THSD4: variants seen among roughly 807,000 people sequenced by gnomAD.
The protein encoded by THSD4 is thrombospondin type 1 domain containing 4, also known as thrombospondin type-1 domain-containing protein 4.
Under a neutral mutation model 119.0 loss-of-function variants are expected in THSD4, and 69 were observed. The ratio of observed to expected loss-of-function variants is 0.58; its 90% CI spans 0.48 to 0.71. The LOEUF (loss-of-function observed/expected upper bound fraction) is 0.71, where lower values mean the gene tolerates loss of function less well. THSD4 is among the 30% of genes least tolerant of loss of function. The pLI is 0.00. For missense variants in THSD4, 1,393 were observed against 1,391.1 expected (o/e 1.00, Z -0.02); for synonymous variants, 524 against 540.4 (o/e 0.97, Z 0.42).
At chr15:71,290,488 G>C (rs749435264) in intron 6 of THSD4, among the ~76,000 whole-genome samples, 2 of 152,024 alleles carry the variant, frequency 1.3e-5, no homozygotes, top group Non-Finnish European at 2.9e-5. Flanking sequence ...TCTATCAACG[G>C]ATTGCTTGCA....
chr15:71,587,609 T>C (rs2049698270), intron 7 of THSD4, among the ~76,000 whole-genome samples: 2 of 115,554 alleles, frequency 1.7e-5, no homozygotes, highest in Admixed American at 9.7e-5. Flanking sequence ...AATATCACAC[T>C]CTGGGGACTG....
At chr15:71,372,884 A>G (rs2046075771) in intron 6 of THSD4, among the ~76,000 whole-genome samples, 2 of 152,246 alleles carry the variant, frequency 1.3e-5, no homozygotes, top group Admixed American at 1.3e-4. Context: ...GGTGGAGTCT[A>G]CAGAGGCAGG....
At chr15:71,258,512 G>C (rs552939525) in intron 6 of THSD4, among the ~76,000 whole-genome samples, 1 of 152,140 alleles carries the variant, frequency 6.6e-6, no homozygotes, top group Non-Finnish European at 1.5e-5. Context: ...AACATTATGC[G>C]AAGCTGGGTA....
chr15:71,412,657 T>C (rs1475082533), intron 7 of THSD4, among the ~76,000 whole-genome samples: 1 of 152,178 alleles, frequency 6.6e-6, no homozygotes, highest in Non-Finnish European at 1.5e-5. Context: ...ACCTGGAAGT[T>C]CCTATTATAG....
intron 7 of THSD4, among the ~76,000 whole-genome samples, chr15:71,549,145 A>C (rs1478721482): frequency 6.6e-6 from 1 of 152,256 alleles, no homozygotes; most frequent in Non-Finnish European, 1.5e-5. Flanking sequence ...CTTTTCAGAC[A>C]GTGCTCAGCG....
chr15:71,323,955 C>A (rs1382614710), intron 6 of THSD4, among the ~76,000 whole-genome samples: 1 of 152,096 alleles, frequency 6.6e-6, no homozygotes, highest in East Asian at 1.9e-4. Context: ...TTACCAAAGT[C>A]GTGTTGCACC....
At chr15:71,213,788 T>G (rs1165310272) in intron 3 of THSD4, among the ~76,000 whole-genome samples, 1 of 152,206 alleles carries the variant, frequency 6.6e-6, no homozygotes. Context: ...GCAGGGACAT[T>G]ATTATCATTA....
At chr15:71,709,746 G>A (rs2052470736) in intron 8 of THSD4, among the ~76,000 whole-genome samples, 1 of 151,992 alleles carries the variant, frequency 6.6e-6, no homozygotes, top group Non-Finnish European at 1.5e-5. Context: ...TCTAAGGCAT[G>A]GTTCCCAAAC....
chr15:71,482,300 T>TTTTTG (rs1473063716), intron 7 of THSD4, among the ~76,000 whole-genome samples: 1 of 151,108 alleles, frequency 6.6e-6, no homozygotes, highest in East Asian at 1.9e-4. Flanking sequence ...TGTAACTTTT[T>TTTTTG]TTTTTTTTGA....
At chr15:71,402,129 C>T (rs768801470) in intron 6 of THSD4, among the ~76,000 whole-genome samples, 1 of 151,644 alleles carries the variant, frequency 6.6e-6, no homozygotes, top group Non-Finnish European at 1.5e-5. Flanking sequence ...GGAGGGATAG[C>T]CTTAGGAGAT....
intron 13 of THSD4, among the ~76,000 whole-genome samples, chr15:71,747,653 A>T (rs1290945501): frequency 6.6e-6 from 1 of 152,244 alleles, no homozygotes; most frequent in Non-Finnish European, 1.5e-5. Flanking sequence ...AGATGACGAC[A>T]TACAGGCTAA....
At chr15:71,695,506 G>GTGTGTGTGCA (rs2052147286) in intron 8 of THSD4, among the ~76,000 whole-genome samples, 1 of 148,536 alleles carries the variant, frequency 6.7e-6, no homozygotes, top group Admixed American at 6.7e-5. Context: ...GTGTGCATGT[G>GTGTGTGTGCA]TGTGTGTGTG....
intron 5 of THSD4, among the ~76,000 whole-genome samples, chr15:71,254,746 G>C (rs2044295173): frequency 6.6e-6 from 1 of 152,140 alleles, no homozygotes; most frequent in Non-Finnish European, 1.5e-5. Context: ...GGTGTTGCTG[G>C]AAGCTTACAT....
chr15:71,729,940 A>C (rs542331166), intron 9 of THSD4: 23 of 152,286 alleles, frequency 1.5e-4, no homozygotes, highest in African/African-American at 5.3e-4. Context: ...ACGTTTCTGC[A>C]ACGCCGATGG....
At position 71,190,856 on chromosome 15, in the gene THSD4, T is replaced by C. The variant is rs150700106; in HGVS notation, c.100-24179T>C. Among the ~76,000 whole-genome samples the C allele has an allele frequency of 2.0e-5, 3 of 152,216 alleles. No homozygotes were observed. The East Asian group carries it at 5.8e-4, about 29-fold the overall frequency. ...AAGGTCCCATCGAGAGGAAACGTTT[T>C]CACACAGAGACTCCCCAACTCTCAG... On this transcript the variant is annotated intron_variant, in intron 3 of 17. Coordinates refer to ENST00000261862, the MANE Select transcript of THSD4 (RefSeq NM_024817.3).
At chr15:71,153,538 C>A (rs931043392) in intron 2 of THSD4, among the ~76,000 whole-genome samples, 5 of 152,168 alleles carry the variant, frequency 3.3e-5, no homozygotes, top group African/African-American at 4.8e-5. Flanking sequence ...CCAGTCTGTC[C>A]ATGTCTGTTC....
At chr15:71,111,975 G>A, upstream of THSD4, 1 of 789,614 alleles carries the variant, frequency 1.3e-6, no homozygotes, top group South Asian at 1.9e-5. Flanking sequence ...GTGCTTATAA[G>A]TAAGAAAACT....
rs774053900 is a variant in THSD4 at position 71,418,940 on chromosome 15, A to G, written c.1152+7117A>G. On this transcript the variant is annotated intron_variant, in intron 7 of 17. Transcript: ENST00000261862. ...TAGGAATGTTATTCATTTATTCTAC[A>G]TTTTCCGGTTTATTGACATATAGTT... Among the ~76,000 whole-genome samples, 2 of 106,466 alleles carry G rather than the reference A, an allele frequency of 1.9e-5. 1 individual carries two copies. The highest frequency in any genetic ancestry group is 4.1e-5 in the Non-Finnish European group (2 of 48,570). 69.8% of individuals were successfully genotyped at this position (106,466 alleles called of 152,430 possible). A position where few individuals can be genotyped will look rare whatever the true frequency, so the allele number is the denominator to read the frequency against.
At chr15:71,443,433 C>CT (rs1555414401) in intron 7 of THSD4, among the ~76,000 whole-genome samples, 2 of 150,902 alleles carry the variant, frequency 1.3e-5, no homozygotes, top group Non-Finnish European at 3.0e-5. Flanking sequence ...AAAACAGATC[C>CT]CTCTCTCTCT....
Sources: gnomAD v4.1 joint callset for allele counts (sites outside exome capture counted in the v4.1 genomes callset) on GRCh38, gnomAD v4.1.1 for gene constraint, MANE v1.5 for transcripts, NCBI Gene and HGNC (gene_info 2026-07-23, HGNC 2026-07-21) for gene names.